The following SEMA3A variants were observed in gnomAD, a reference collection of about 807,000 sequenced individuals.
SEMA3A encodes semaphorin-3A.
A neutral mutation model predicts 97.9 loss-of-function variants in SEMA3A; 29 were observed. That is an observed-to-expected ratio of 0.30 (90% CI 0.22 to 0.40). SEMA3A has a LOEUF of 0.40. Among genes scored for constraint, SEMA3A ranks in the 10% least tolerant of loss-of-function variants. The pLI, the probability that SEMA3A is intolerant of heterozygous loss-of-function variation, is 1.00. For missense variants in SEMA3A, 763 were observed against 951.3 expected (o/e 0.80, Z 2.60); for synonymous variants, 321 against 323.7 (o/e 0.99, Z 0.09).
intron 1 of SEMA3A, among the ~76,000 whole-genome samples, chr7:84,415,398 A>C (rs1804405523): frequency 6.6e-6 from 1 of 152,094 alleles, no homozygotes; most frequent in Non-Finnish European, 1.5e-5. Context: ...CTTAATATTA[A>C]TATATCAAAG....
At chr7:84,072,879 T>C (rs1393078575) in intron 4 of SEMA3A, among the ~76,000 whole-genome samples, 1 of 152,208 alleles carries the variant, frequency 6.6e-6, no homozygotes. Flanking sequence ...CCTACTATTA[T>C]TATAATACCT....
rs180917933 is a variant in SEMA3A at position 84,224,732 on chromosome 7, G to A, written c.-82-30064C>T. Among the ~76,000 whole-genome samples the A allele has an allele frequency of 4.0e-3, 614 of 152,112 alleles. 5 individuals are homozygous for A. The highest frequency in any genetic ancestry group is 0.014 in the African/African-American group (587 of 41,530). ...GTATTTGTTGTCACATCACCCACTG[G>A]GAAGTAGGTGTGATTTCATGCTTTT... On this transcript the variant is annotated intron_variant, in intron 3 of 3. Transcript: ENST00000424555.
intron 2 of SEMA3A, among the ~76,000 whole-genome samples, chr7:84,344,157 A>G (rs575042600): frequency 6.6e-6 from 1 of 152,312 alleles, no homozygotes; most frequent in South Asian, 2.1e-4. Context: ...ATTTGTTCAA[A>G]TGGAAATGTT....
chr7:83,961,736 C>T lies in SEMA3A; in HGVS notation c.1951G>A (p.Ala651Thr), dbSNP rs371385208. ...GTTTGTATGAACCCATGTTCCACCG[C>T]ATGGCAGAGGTAATTGCCTGAATCC... ...QKDSGNYLCH[A>T]VEHGFIQTLL... is the part of the protein sequence containing the mutation. The change falls in exon 17 of 17, where the codon GCG (alanine) becomes ACG (threonine). Residue 651 changes from alanine to threonine, a missense_variant. Transcript: ENST00000265362. 5 of 1,613,820 alleles carry T rather than the reference C, an allele frequency of 3.1e-6. No individual in the cohort carries two copies. Among genetic ancestry groups the T allele is most frequent in the Non-Finnish European group, 4.2e-6 (5 of 1,179,922 alleles).
At chr7:84,176,063 CT>C (rs201609301) in intron 1 of SEMA3A, among the ~76,000 whole-genome samples, 9,487 of 152,212 alleles carry the variant, frequency 0.062, 390 homozygotes, top group East Asian at 0.15. Context: ...ATGTTCAATG[CT>C]TATCTTCCTT....
intron 1 of SEMA3A, among the ~76,000 whole-genome samples, chr7:84,488,130 G>C (rs1584359196): frequency 6.6e-6 from 1 of 151,912 alleles, no homozygotes; most frequent in Non-Finnish European, 1.5e-5. Context: ...AAAAATAAAA[G>C]ATATAAGTTT....
chr7:83,996,300 C>CTTT (rs35148121), intron 12 of SEMA3A, among the ~76,000 whole-genome samples: 9,222 of 111,852 alleles, frequency 0.082, 580 homozygotes, highest in African/African-American at 0.14. Flanking sequence ...TACTAGTAAT[C>CTTT]TTTTTTTTTT....
chr7:84,001,146 T>C (rs1489653214), intron 12 of SEMA3A, among the ~76,000 whole-genome samples: 1 of 152,148 alleles, frequency 6.6e-6, no homozygotes, highest in Non-Finnish European at 1.5e-5. Flanking sequence ...AATAACACAT[T>C]TACAGGCATG....
chr7:83,964,887 G>A (rs1026725697), intron 15 of SEMA3A, among the ~76,000 whole-genome samples: 1 of 151,856 alleles, frequency 6.6e-6, no homozygotes, highest in African/African-American at 2.4e-5. Flanking sequence ...AGTGCGTCTT[G>A]AATTGAATGC....
intron 11 of SEMA3A, among the ~76,000 whole-genome samples, chr7:84,002,607 C>T (rs6978182): frequency 0.24 from 36,970 of 152,030 alleles, 4,660 homozygotes; most frequent in South Asian, 0.31. Context: ...AAGTCTTTAG[C>T]ACTTAGAAGT....
At chr7:84,252,998 C>T (rs374027032) in intron 3 of SEMA3A, among the ~76,000 whole-genome samples, 3 of 152,124 alleles carry the variant, frequency 2.0e-5, no homozygotes, top group East Asian at 3.9e-4. Flanking sequence ...CCTGCCTCAG[C>T]CTGCCGAGTA....
At chr7:83,995,775 T>C (rs1174042317) in intron 12 of SEMA3A, among the ~76,000 whole-genome samples, 3 of 152,248 alleles carry the variant, frequency 2.0e-5, no homozygotes, top group Non-Finnish European at 4.4e-5. Context: ...TCAGATACTT[T>C]AGTCCTTATT....
chr7:84,447,869 T>C (rs1042092746), intron 1 of SEMA3A, among the ~76,000 whole-genome samples: 1 of 152,198 alleles, frequency 6.6e-6, no homozygotes, highest in African/African-American at 2.4e-5. Flanking sequence ...GGCTCTGCAG[T>C]TCCTGCCATC....
intron 3 of SEMA3A, among the ~76,000 whole-genome samples, chr7:84,294,257 T>C (rs1454840448): frequency 2.6e-5 from 4 of 152,054 alleles, no homozygotes; most frequent in Non-Finnish European, 5.9e-5. Context: ...TGAGCGTGCC[T>C]ACTTCCTGGC....
At chr7:84,197,832 C>A (rs1040877490), upstream of SEMA3A, among the ~76,000 whole-genome samples, 4 of 148,352 alleles carry the variant, frequency 2.7e-5, no homozygotes, top group African/African-American at 1.0e-4. Flanking sequence ...CTCGGCCTCC[C>A]GGGTTCAAGT....
intron 1 of SEMA3A, among the ~76,000 whole-genome samples, chr7:84,146,822 C>A (rs1246216245): frequency 2.0e-5 from 3 of 152,046 alleles, no homozygotes; most frequent in Non-Finnish European, 4.4e-5. Context: ...TTTGATTCTG[C>A]CTTATGTTTT....
At position 84,028,290 on chromosome 7, in the gene SEMA3A, T is replaced by G. The variant is rs543481345; in HGVS notation, c.668-13939A>C. On this transcript the variant is annotated intron_variant, in intron 6 of 16. Coordinates refer to ENST00000265362, the MANE Select transcript of SEMA3A (RefSeq NM_006080.3). ...CCCAAAAATAAAAAAGTAGCATTTG[T>G]TTTTAACATTCAGGAAAGGTGAACT... Among the ~76,000 whole-genome samples the G allele has an allele frequency of 1.2e-4, 19 of 152,300 alleles. No individual in the cohort carries two copies. The East Asian group carries it at 2.7e-3, about 22-fold the overall frequency.
At chr7:84,098,584 C>T (rs1226089206) in intron 4 of SEMA3A, among the ~76,000 whole-genome samples, 2 of 151,962 alleles carry the variant, frequency 1.3e-5, no homozygotes, top group East Asian at 1.9e-4. Context: ...TTTGCCACTG[C>T]CAAGGAATTT....
At chr7:84,256,341 A>G (rs1799720452) in intron 3 of SEMA3A, among the ~76,000 whole-genome samples, 1 of 152,116 alleles carries the variant, frequency 6.6e-6, no homozygotes, top group South Asian at 2.1e-4. Context: ...TTTATCTTTG[A>G]ACAAGGGAAA....
Sources: allele counts gnomAD v4.1 joint callset (sites outside exome capture counted in the v4.1 genomes callset), GRCh38; gene constraint gnomAD v4.1.1; transcripts MANE v1.5; gene names NCBI Gene and HGNC (gene_info 2026-07-23, HGNC 2026-07-21).